Variants in RBFOX3 observed in about 807,000 individuals in gnomAD.
The protein encoded by RBFOX3 is RNA binding protein fox-1 homolog 3.
A neutral mutation model predicts 48.7 loss-of-function variants in RBFOX3; 17 were observed. The ratio of observed to expected loss-of-function variants is 0.35; its 90% confidence interval spans 0.24 to 0.52. The LOEUF is 0.52. Among genes scored for constraint, RBFOX3 ranks in the 20% least tolerant of loss-of-function variants. RBFOX3 has a pLI of 0.94. For missense variants in RBFOX3, 382 were observed against 497.5 expected (o/e 0.77, Z 2.21); for synonymous variants, 212 against 209.5 (o/e 1.01, Z -0.10).
chr17:79,487,363 C>T (rs1204286591), intron 1 of RBFOX3, among the ~76,000 whole-genome samples: 2 of 152,158 alleles, frequency 1.3e-5, no homozygotes, highest in Non-Finnish European at 2.9e-5. Flanking sequence ...TGGTCAGAAG[C>T]GTGGACTTGT....
chr17:79,248,172 C>T (rs925024121), intron 3 of RBFOX3, among the ~76,000 whole-genome samples: 2 of 152,076 alleles, frequency 1.3e-5, no homozygotes, highest in East Asian at 3.9e-4. Flanking sequence ...GAACAAACCC[C>T]AAGAAGACTT....
At chr17:79,280,360 C>G (rs1047363649) in intron 3 of RBFOX3, among the ~76,000 whole-genome samples, 1 of 152,194 alleles carries the variant, frequency 6.6e-6, no homozygotes, top group East Asian at 1.9e-4. Context: ...AAAGAAAACA[C>G]GTGAGTCCTA....
At chr17:79,580,126 T>A (rs2093005984) in intron 1 of RBFOX3, among the ~76,000 whole-genome samples, 1 of 151,986 alleles carries the variant, frequency 6.6e-6, no homozygotes, top group Admixed American at 6.5e-5. Context: ...TCCCATCTCC[T>A]GAGTGCCCCT....
In RBFOX3 at chr17:79,584,484, C is replaced by A. The variant is rs1568433297; in HGVS notation, c.-320+26342G>T. Among the ~76,000 whole-genome samples, 5 of 152,218 alleles carry A rather than the reference C, an allele frequency of 3.3e-5. No homozygotes were observed. In the South Asian group the frequency reaches 1.0e-3, roughly 32 times the overall value. ...AATCCGCAATTACAAAAATATGGAA[C>A]CAGGCCAAATGCCCATCAAATCAAT... On this transcript the variant is annotated intron_variant, in intron 1 of 14. Coordinates refer to ENST00000693108, the MANE Select transcript of RBFOX3 (RefSeq NM_001350451.2).
intron 2 of RBFOX3, among the ~76,000 whole-genome samples, chr17:79,420,165 A>C: frequency 7.5e-6 from 1 of 134,222 alleles, no homozygotes; most frequent in Admixed American, 7.2e-5. Flanking sequence ...ACACACACAC[A>C]CACACACACA....
At chr17:79,288,554 T>A (rs1270748088) in intron 3 of RBFOX3, among the ~76,000 whole-genome samples, 1 of 151,984 alleles carries the variant, frequency 6.6e-6, no homozygotes, top group African/African-American at 2.4e-5. Flanking sequence ...CAAAACGTGA[T>A]GGGCAGTTTC....
chr17:79,156,895 G>A (rs985221575), intron 4 of RBFOX3, among the ~76,000 whole-genome samples: 6 of 152,316 alleles, frequency 3.9e-5, no homozygotes, highest in African/African-American at 7.2e-5. Flanking sequence ...TGGCAGGCGC[G>A]GGGACTCTGT....
At chr17:79,546,469 G>T (rs12603858) in intron 1 of RBFOX3, among the ~76,000 whole-genome samples, 1 of 151,786 alleles carries the variant, frequency 6.6e-6, no homozygotes, top group Non-Finnish European at 1.5e-5. Context: ...AGAGCAAGAC[G>T]ACTCCCTAAA....
chr17:79,387,362 G>A (rs2060696851), intron 2 of RBFOX3, among the ~76,000 whole-genome samples: 1 of 152,218 alleles, frequency 6.6e-6, no homozygotes, highest in Non-Finnish European at 1.5e-5. Flanking sequence ...ACAACTCACA[G>A]GCGTGAGTCA....
At chr17:79,558,910 C>A (rs2144083142) in intron 1 of RBFOX3, among the ~76,000 whole-genome samples, 1 of 152,218 alleles carries the variant, frequency 6.6e-6, no homozygotes, top group Admixed American at 6.5e-5. Context: ...GGCCCAGAGG[C>A]TGTGTGGATT....
intron 1 of RBFOX3, among the ~76,000 whole-genome samples, chr17:79,514,242 C>G (rs1485561051): frequency 3.3e-5 from 5 of 152,188 alleles, no homozygotes; most frequent in Admixed American, 6.5e-5. Context: ...GCCAGGCACC[C>G]CCTCACCCCA....
At chr17:79,098,015 C>A (rs2075718422) in intron 9 of RBFOX3, 1 of 477,656 alleles carries the variant, frequency 2.1e-6, no homozygotes, top group Middle Eastern at 5.6e-4. Flanking sequence ...GCAACCCTCA[C>A]CCCTGGGCGT....
chr17:79,298,062 A>C (rs1232356767), intron 3 of RBFOX3: 1 of 152,180 alleles, frequency 6.6e-6, no homozygotes, highest in African/African-American at 2.4e-5. Flanking sequence ...ATCTTAGAGC[A>C]AACAGTTAAA....
At chr17:79,648,110 G>C in the RBFOX3 span, among the ~76,000 whole-genome samples, 1 of 152,134 alleles carries the variant, frequency 6.6e-6, no homozygotes, top group Non-Finnish European at 1.5e-5. Context: ...GCAGTAGTGG[G>C]CACTGCTAGT....
intron 4 of RBFOX3, among the ~76,000 whole-genome samples, chr17:79,138,687 CAT>C (rs869098689): frequency 6.7e-3 from 151 of 22,384 alleles, no homozygotes; most frequent in East Asian, 0.012. Flanking sequence ...CACCCATACA[CAT>C]GGACACAGCA....
chr17:79,208,665 AGGC>A (rs2057888583), intron 4 of RBFOX3: 1 of 155,896 alleles, frequency 6.4e-6, no homozygotes, highest in Non-Finnish European at 1.4e-5. Flanking sequence ...GCAGAGGCAG[AGGC>A]AGAGGGGAGG....
At chr17:79,467,362 G>C (rs2076454861) in intron 2 of RBFOX3, among the ~76,000 whole-genome samples, 1 of 152,178 alleles carries the variant, frequency 6.6e-6, no homozygotes, top group Non-Finnish European at 1.5e-5. Flanking sequence ...AGGGCAGAGC[G>C]GGGAGGAGGG....
At chr17:79,360,308 C>T (rs2086065035) in intron 2 of RBFOX3, among the ~76,000 whole-genome samples, 1 of 152,140 alleles carries the variant, frequency 6.6e-6, no homozygotes, top group Non-Finnish European at 1.5e-5. Context: ...GAGCCTGGCC[C>T]ATCAGCCTGG....
intron 3 of RBFOX3, among the ~76,000 whole-genome samples, chr17:79,269,706 G>T (rs934393052): frequency 6.6e-6 from 1 of 151,900 alleles, no homozygotes; most frequent in African/African-American, 2.4e-5. Flanking sequence ...GCGGGGCCTG[G>T]GTCTTTCCTC....
Sources: gnomAD v4.1 joint callset for allele counts (sites outside exome capture counted in the v4.1 genomes callset) on GRCh38, gnomAD v4.1.1 for gene constraint, MANE v1.5 for transcripts, NCBI Gene and HGNC (gene_info 2026-07-23, HGNC 2026-07-21) for gene names.